Variants in TEAD1 observed in about 807,000 individuals in gnomAD.
TEAD1 encodes transcriptional enhancer factor TEF-1.
A neutral mutation model predicts 54.9 loss-of-function variants in TEAD1; 9 were observed. The ratio of observed to expected loss-of-function variants is 0.16; its 90% CI spans 0.10 to 0.29. The LOEUF (loss-of-function observed/expected upper bound fraction) is 0.29. Among genes scored for constraint, TEAD1 ranks in the 10% least tolerant of loss-of-function variants. The pLI, the probability that TEAD1 is intolerant of heterozygous loss-of-function variation, is 1.00. For missense variants in TEAD1, 387 were observed against 535.9 expected (o/e 0.72, Z 2.74); for synonymous variants, 200 against 187.8 (o/e 1.07, Z -0.53).
chr11:12,751,979 G>T (rs11022490), intron 2 of TEAD1, among the ~76,000 whole-genome samples: 1 of 151,950 alleles, frequency 6.6e-6, no homozygotes, highest in Non-Finnish European at 1.5e-5. Flanking sequence ...GTTTGCTGTA[G>T]AACTTTCCTT....
rs115236467 is a variant in TEAD1 at position 12,752,928 on chromosome 11, C to T, written c.-54-11251C>T. Reference sequence around the variant, plus strand: ...TGATCACAGCTCACTACAGCTTGACCGCCTGGGCTCAGGTGATCCTCCTAC... The same window carrying T: ...TGATCACAGCTCACTACAGCTTGACTGCCTGGGCTCAGGTGATCCTCCTAC... On this transcript the variant is annotated intron_variant, in intron 2 of 12. Transcript: ENST00000527636. Among the ~76,000 whole-genome samples the T allele has an allele frequency of 3.9e-3, 595 of 152,020 alleles. 4 individuals are homozygous for T. The highest frequency in any genetic ancestry group is 0.014 in the African/African-American group (563 of 41,440).
At chr11:12,881,520 C>T (rs1732503342) in intron 7 of TEAD1, among the ~76,000 whole-genome samples, 1 of 152,164 alleles carries the variant, frequency 6.6e-6, no homozygotes, top group African/African-American at 2.4e-5. Flanking sequence ...GGAAACCTTG[C>T]CTATATGCTG....
intron 3 of TEAD1, among the ~76,000 whole-genome samples, chr11:12,779,227 C>G (rs1945494775): frequency 6.6e-6 from 1 of 152,052 alleles, no homozygotes; most frequent in African/African-American, 2.4e-5. Context: ...TTGAATGATA[C>G]AGTTACCGGG....
intron 2 of TEAD1, among the ~76,000 whole-genome samples, chr11:12,741,687 C>G (rs966515069): frequency 1.3e-5 from 2 of 152,028 alleles, no homozygotes; most frequent in African/African-American, 4.8e-5. Context: ...CTTATTAGTT[C>G]TGTGTTGGAG....
chr11:12,784,887 T>C (rs1276580287), intron 3 of TEAD1, among the ~76,000 whole-genome samples: 1 of 152,174 alleles, frequency 6.6e-6, no homozygotes, highest in Non-Finnish European at 1.5e-5. Flanking sequence ...TAACTGTAGC[T>C]CCTATCGCTT....
At chr11:12,865,656 T>G (rs1170783808) in intron 5 of TEAD1, 1 of 152,178 alleles carries the variant, frequency 6.6e-6, no homozygotes, top group African/African-American at 2.4e-5. Flanking sequence ...AAAATATATT[T>G]TATAGGAAAA....
At chr11:12,840,806 G>A (rs1947022277) in intron 3 of TEAD1, among the ~76,000 whole-genome samples, 1 of 152,212 alleles carries the variant, frequency 6.6e-6, no homozygotes, top group African/African-American at 2.4e-5. Context: ...AGTGGGATGA[G>A]ATACCCAGTG....
chr11:12,892,128 G>C lies in TEAD1; in HGVS notation c.699+9003G>C, dbSNP rs1185645920. ...TTCTCGTAAAGGCAGTTGGTCAAAC[G>C]TGGGCCCAAGGATGATTTAATTTCA... On this transcript the variant is annotated intron_variant, in intron 9 of 12. Transcript: ENST00000527636. 2.0e-5 allele frequency among the ~76,000 whole-genome samples: 3 copies of C among 152,206 alleles called. No individual in the cohort carries two copies. In the East Asian group the frequency reaches 5.8e-4, roughly 29 times the overall value.
intron 9 of TEAD1, among the ~76,000 whole-genome samples, chr11:12,891,629 T>G (rs956931412): frequency 1.3e-5 from 2 of 152,238 alleles, no homozygotes; most frequent in African/African-American, 4.8e-5. Flanking sequence ...CCTTTCATTC[T>G]CAAAATAAGC....
rs572849556 is a variant in TEAD1 at position 12,724,058 on chromosome 11, G to A, written c.-54-40121G>A. Among the ~76,000 whole-genome samples, 3 of 152,296 alleles carry A rather than the reference G, an allele frequency of 2.0e-5. No homozygotes were observed. In the South Asian group the frequency reaches 6.2e-4, roughly 32 times the overall value. ...TGATTGAAACACATTCCCCTTTGCA[G>A]TGGTGCTCAGCATTTGATAGATGAT... On this transcript the variant is annotated intron_variant, in intron 2 of 12. Transcript: ENST00000527636.
intron 2 of TEAD1, among the ~76,000 whole-genome samples, chr11:12,752,151 A>G (rs59245513): frequency 0.032 from 4,806 of 151,664 alleles, 273 homozygotes; most frequent in African/African-American, 0.11. Context: ...AAATGTATTC[A>G]GAGCTCCTGG....
chr11:12,796,022 A>G lies in TEAD1; in HGVS notation c.202+31588A>G, dbSNP rs146934403. Among the ~76,000 whole-genome samples, 9 of 152,316 alleles carry G rather than the reference A, an allele frequency of 5.9e-5. No homozygotes were observed. The East Asian group carries it at 7.7e-4, about 13-fold the overall frequency. ...TCATTTCTGGAATATCCAGACTTCA[A>G]TATTGAGGTTGAGAATTCTTTTTGC... On this transcript the variant is annotated intron_variant, in intron 3 of 12. Coordinates refer to ENST00000527636, the MANE Select transcript of TEAD1 (RefSeq NM_021961.6).
chr11:12,835,367 G>T (rs539933305), intron 3 of TEAD1, among the ~76,000 whole-genome samples: 1 of 152,228 alleles, frequency 6.6e-6, no homozygotes, highest in African/African-American at 2.4e-5. Flanking sequence ...GTTTGAGAAG[G>T]AGTGTTGCTC....
chr11:12,799,887 A>C (rs1946014110), intron 3 of TEAD1, among the ~76,000 whole-genome samples: 1 of 152,106 alleles, frequency 6.6e-6, no homozygotes, highest in South Asian at 2.1e-4. Flanking sequence ...GAAGATGTGA[A>C]AGTAGGGGGG....
At chr11:12,811,441 G>A (rs1946298483) in intron 3 of TEAD1, among the ~76,000 whole-genome samples, 1 of 152,190 alleles carries the variant, frequency 6.6e-6, no homozygotes, top group Non-Finnish European at 1.5e-5. Context: ...TTGCTTAAAA[G>A]CCAGTTTGAT....
chr11:12,720,006 C>CGT (rs1944159713), intron 2 of TEAD1, among the ~76,000 whole-genome samples: 1 of 84,470 alleles, frequency 1.2e-5, no homozygotes, highest in African/African-American at 4.3e-5. Flanking sequence ...GGGGGGGACC[C>CGT]AGCCATGCTG....
At chr11:12,910,705 C>T (rs1948600583) in intron 10 of TEAD1, among the ~76,000 whole-genome samples, 1 of 149,036 alleles carries the variant, frequency 6.7e-6, no homozygotes, top group Non-Finnish European at 1.5e-5. Flanking sequence ...GGATTATGAT[C>T]ATTCAGTGTA....
At chr11:12,885,033 C>G (rs1024026390) in intron 9 of TEAD1, among the ~76,000 whole-genome samples, 7 of 152,278 alleles carry the variant, frequency 4.6e-5, no homozygotes, top group South Asian at 2.1e-4. Context: ...TCTGTCCTTA[C>G]AGTGCCCCAT....
chr11:12,759,324 C>T (rs1945054165), intron 2 of TEAD1, among the ~76,000 whole-genome samples: 1 of 149,008 alleles, frequency 6.7e-6, no homozygotes, highest in Non-Finnish European at 1.5e-5. Context: ...TGGTTGAATA[C>T]ACATGTGATA....
Sources: gnomAD v4.1 joint callset for allele counts (sites outside exome capture counted in the v4.1 genomes callset) on GRCh38, gnomAD v4.1.1 for gene constraint, MANE v1.5 for transcripts, NCBI Gene and HGNC (gene_info 2026-07-23, HGNC 2026-07-21) for gene names.